Variants in DSCAM observed in about 807,000 individuals in gnomAD.
The protein encoded by DSCAM is DS cell adhesion molecule.
DSCAM carries 47 observed loss-of-function variants against 217.7 expected under a neutral mutation model. That is an observed-to-expected ratio of 0.22 (90% CI 0.17 to 0.28). The LOEUF is 0.28. DSCAM is among the 10% of genes least tolerant of loss of function. DSCAM has a pLI of 1.00. For synonymous variants in DSCAM, 1,056 were observed against 1,015.3 expected (o/e 1.04, Z -0.76); for missense variants, 2,080 against 2,618.3 (o/e 0.79, Z 4.49).
intron 1 of DSCAM, among the ~76,000 whole-genome samples, chr21:40,759,672 C>G (rs917487105): frequency 6.6e-6 from 1 of 152,106 alleles, no homozygotes; most frequent in Admixed American, 6.6e-5. Context: ...GCACTTGCTA[C>G]GGGAGCATGA....
intron 1 of DSCAM, among the ~76,000 whole-genome samples, chr21:40,824,138 C>A (rs1387072376): frequency 2.6e-5 from 4 of 152,074 alleles, no homozygotes; most frequent in Non-Finnish European, 5.9e-5. Context: ...TGTCCCCCAG[C>A]CTCCCACCTA....
chr21:40,391,322 T>C (rs1292424272), intron 3 of DSCAM, among the ~76,000 whole-genome samples: 3 of 152,126 alleles, frequency 2.0e-5, no homozygotes, highest in Non-Finnish European at 2.9e-5. Context: ...CACAAACATA[T>C]AGAAATCTGG....
intron 10 of DSCAM, among the ~76,000 whole-genome samples, chr21:40,288,508 T>C (rs563347269): frequency 6.6e-6 from 1 of 152,282 alleles, no homozygotes; most frequent in East Asian, 1.9e-4. Context: ...AAGGGGAGTA[T>C]TGTCAAAACA....
Position 40,518,555 on chromosome 21 carries a change from TAC to T in DSCAM, c.509-149312_509-149311del, listed in dbSNP as rs552769496. 3.2e-3 allele frequency among the ~76,000 whole-genome samples: 257 copies of T among 81,006 alleles called. 7 individuals carry two copies. The highest frequency in any genetic ancestry group is 6.8e-3 in the African/African-American group (111 of 16,286). The allele number at this position is 81,006 out of a possible 152,430, so 53.1% of individuals were successfully genotyped here. A position where few individuals can be genotyped will look rare whatever the true frequency, so the allele number is the denominator to read the frequency against. ...ATATATATATATGTACACACACATA[TAC>T]ACACACACATATATACATACACACA... On this transcript the variant is annotated intron_variant, in intron 3 of 32. Transcript: ENST00000400454.
At position 40,178,940 on chromosome 21, in the gene DSCAM, C is replaced by A. The variant is rs546478839; in HGVS notation, c.2934G>T (p.Thr978=). The change falls in exon 15 of 33, where the codon ACG becomes ACT. Residue 978 remains threonine, a synonymous_variant. Transcript: ENST00000400454. The part of the protein sequence containing the change: ...KSEPSNELTI[T]ADEAAPDGPP... ...GGTCCCACGTACCTGCCTCGTCCGC[C>A]GTGATGGTGAGCTCGTTGCTGGGCT... 1 of 1,613,820 alleles carries A rather than the reference C, an allele frequency of 6.2e-7. No homozygotes were observed. Among genetic ancestry groups the A allele is most frequent in the South Asian group, 1.1e-5 (1 of 91,050 alleles).
chr21:40,468,777 C>A (rs1278491024), intron 3 of DSCAM, among the ~76,000 whole-genome samples: 3 of 151,744 alleles, frequency 2.0e-5, no homozygotes, highest in Admixed American at 2.0e-4. Context: ...AAGAAAAGAA[C>A]CAAAAGTCGA....
intron 29 of DSCAM, among the ~76,000 whole-genome samples, chr21:40,053,288 T>C (rs928626543): frequency 4.6e-5 from 7 of 152,162 alleles, no homozygotes; most frequent in African/African-American, 1.7e-4. Flanking sequence ...TGCGGTGAGG[T>C]TGGCACCACA....
intron 16 of DSCAM, among the ~76,000 whole-genome samples, chr21:40,156,197 C>T (rs1046152229): frequency 7.3e-5 from 11 of 151,114 alleles, no homozygotes; most frequent in South Asian, 4.2e-4. Flanking sequence ...GAGCCAGTAG[C>T]GGGTGAGAGT....
chr21:40,672,610 G>A (rs1191637961), intron 3 of DSCAM, among the ~76,000 whole-genome samples: 1 of 152,146 alleles, frequency 6.6e-6, no homozygotes, highest in Non-Finnish European at 1.5e-5. Context: ...AGCCTAAGTG[G>A]CTCACAGGAC....
chr21:40,460,904 C>A (rs562412213), intron 3 of DSCAM, among the ~76,000 whole-genome samples: 223 of 152,284 alleles, frequency 1.5e-3, no homozygotes, highest in African/African-American at 5.3e-3. Flanking sequence ...ACATCTATCA[C>A]ACGTTTAAAG....
chr21:40,450,147 T>TA (rs1004323914), intron 3 of DSCAM, among the ~76,000 whole-genome samples: 1 of 151,980 alleles, frequency 6.6e-6, no homozygotes, highest in African/African-American at 2.4e-5. Flanking sequence ...GGTACTCATT[T>TA]AAAAAAAAAT....
At chr21:40,383,189 G>T (rs1423859732) in intron 3 of DSCAM, 2 of 152,100 alleles carry the variant, frequency 1.3e-5, no homozygotes, top group African/African-American at 2.4e-5. Context: ...TTAGCCGGGC[G>T]TGGTGGTGTG....
intron 1 of DSCAM, among the ~76,000 whole-genome samples, chr21:40,730,082 C>G (rs1204279172): frequency 6.6e-6 from 1 of 152,126 alleles, no homozygotes; most frequent in Non-Finnish European, 1.5e-5. Context: ...TGGGCTTCAC[C>G]GAGCAGAAAC....
intron 3 of DSCAM, among the ~76,000 whole-genome samples, chr21:40,498,381 T>C (rs1290023261): frequency 6.6e-6 from 1 of 151,778 alleles, no homozygotes; most frequent in Non-Finnish European, 1.5e-5. Context: ...AAGCAATGCG[T>C]ATAAAAAACC....
At chr21:40,657,280 A>C (rs890426949) in intron 3 of DSCAM, among the ~76,000 whole-genome samples, 1 of 152,202 alleles carries the variant, frequency 6.6e-6, no homozygotes, top group African/African-American at 2.4e-5. Context: ...TACTCTGCCT[A>C]ATCTTCTATC....
At chr21:40,284,804 A>T (rs1460135082) in intron 10 of DSCAM, among the ~76,000 whole-genome samples, 1 of 152,134 alleles carries the variant, frequency 6.6e-6, no homozygotes, top group Non-Finnish European at 1.5e-5. Flanking sequence ...ACACCACACC[A>T]TCCAGGTGTG....
At chr21:40,559,647 A>G (rs532151461) in intron 3 of DSCAM, among the ~76,000 whole-genome samples, 1 of 152,078 alleles carries the variant, frequency 6.6e-6, no homozygotes, top group African/African-American at 2.4e-5. Flanking sequence ...GCAAACATAA[A>G]TATCAATGAT....
intron 1 of DSCAM, among the ~76,000 whole-genome samples, chr21:40,827,789 C>A (rs922085112): frequency 6.6e-6 from 1 of 152,138 alleles, no homozygotes; most frequent in African/African-American, 2.4e-5. Context: ...CTTTGTGTAT[C>A]GTTCAACTCA....
At chr21:40,542,327 GATGCCCAGC>G (rs2076548764) in intron 3 of DSCAM, among the ~76,000 whole-genome samples, 1 of 152,164 alleles carries the variant, frequency 6.6e-6, no homozygotes, top group Admixed American at 6.5e-5. Context: ...AACACATTTG[GATGCCCAGC>G]ATCTACTCTC....
Sources: allele counts gnomAD v4.1 joint callset (sites outside exome capture counted in the v4.1 genomes callset), GRCh38; gene constraint gnomAD v4.1.1; transcripts MANE v1.5; gene names NCBI Gene and HGNC (gene_info 2026-07-23, HGNC 2026-07-21).